Variants in TRIM46 observed in about 807,000 individuals in gnomAD.
The protein encoded by TRIM46 is tripartite motif containing 46, also known as tripartite motif-containing protein 46.
A neutral mutation model predicts 69.7 loss-of-function variants in TRIM46; 17 were observed. That is an observed-to-expected ratio of 0.24 (90% CI 0.17 to 0.37). TRIM46 has a LOEUF of 0.37. TRIM46 is among the 10% of genes least tolerant of loss of function. The probability of loss-of-function intolerance (pLI) is 1.00; values close to 1 mark genes in which losing one functional copy is unlikely to be tolerated. For synonymous variants in TRIM46, 391 were observed against 429.0 expected, an observed-to-expected ratio of 0.91 and a Z score of 1.09; for missense variants, 675 against 1,025.1, an observed-to-expected ratio of 0.66 and a Z score of 4.66.
intron 5 of TRIM46, among the ~76,000 whole-genome samples, chr1:155,177,762 A>G (rs375697839): frequency 5.9e-5 from 9 of 152,192 alleles, no homozygotes; most frequent in African/African-American, 1.9e-4. Flanking sequence ...ATGAGTCACT[A>G]AGGGGCAGAG....
rs535573161 is a variant in TRIM46 at position 155,182,052 on chromosome 1, G to A, written c.1789G>A (p.Ala597Thr). The change falls in exon 9 of 10, where the codon GCC becomes ACC. Residue 597 changes from alanine (A) to threonine (T), a missense_variant. Transcript: ENST00000334634. ...VTQGRSYWAC[A>T]VDPASYLVKV... ...CCAGGGCCGCAGCTACTGGGCCTGC[G>A]CCGTAGACCCAGCCTCCTACTTGGT... The A allele has an allele frequency of 8.5e-5, 137 of 1,613,988 alleles. No homozygotes were observed. The highest frequency in any genetic ancestry group is 4.9e-4 in the Middle Eastern group (3 of 6,062).
In TRIM46 at chr1:155,182,078, C is replaced by G; in HGVS notation, c.1815C>G (p.Val605=). ...ACAVDPASYL[V]KVGVGLESKL... is the part of the protein sequence containing the mutation. ...CCGTAGACCCAGCCTCCTACTTGGT[C>G]AAGGTGGGCGTCGGGCTGGAGAGCA... is the stretch of plus-strand genomic sequence containing the variant. Residue 605 remains valine, a synonymous_variant, in exon 9 of 10, where the codon GTC becomes GTG. Transcript: ENST00000334634. 6.2e-7 allele frequency: 1 copy of G among 1,614,176 alleles called. No homozygotes were observed. The highest frequency in any genetic ancestry group is 8.5e-7 in the Non-Finnish European group (1 of 1,180,028).
intron 5 of TRIM46, among the ~76,000 whole-genome samples, chr1:155,177,679 G>A (rs938551494): frequency 6.6e-6 from 1 of 152,212 alleles, no homozygotes; most frequent in Non-Finnish European, 1.5e-5. Context: ...ACTAAGGATG[G>A]CATAGATGCC....
Position 155,175,283 on chromosome 1 carries a change from T to A in TRIM46, c.64-103T>A. The A allele has an allele frequency of 6.4e-7, 1 of 1,564,930 alleles. No individual in the cohort carries two copies. Among genetic ancestry groups the A allele is most frequent in the Non-Finnish European group, 8.6e-7 (1 of 1,163,284 alleles). On this transcript the variant is annotated intron_variant, in intron 1 of 9. Transcript: ENST00000334634. This position sits in a 1 kb window ranked among gnomAD's most constrained non-coding sequence, Gnocchi z 4.2. Reference sequence around the variant, plus strand: ...CTGGAAAAGCTGCAGGTAGCTTGTCTTGCTCCTTCCTCAGACCCCTAGGGT... The same window carrying A: ...CTGGAAAAGCTGCAGGTAGCTTGTCATGCTCCTTCCTCAGACCCCTAGGGT...
chr1:155,174,700 AG>A (rs1279759084), intron 1 of TRIM46: 1 of 1,413,758 alleles, frequency 7.1e-7, no homozygotes, highest in Non-Finnish European at 9.2e-7. Flanking sequence ...CAAGAGGGGG[AG>A]GGGACTTCCG....
At chr1:155,180,047 A>C in intron 8 of TRIM46, 113 bp downstream of exon 8, 3 of 1,178,742 alleles carry the variant, frequency 2.5e-6, no homozygotes, top group Non-Finnish European at 3.5e-6. Flanking sequence ...AGTAGGTCTC[A>C]CACACACTAG....
intron 7 of TRIM46, 126 bp downstream of exon 7, chr1:155,178,739 T>TTTGGG: frequency 7.4e-7 from 1 of 1,348,472 alleles, no homozygotes; most frequent in Non-Finnish European, 1.0e-6. Flanking sequence ...CAGCCATTCC[T>TTTGGG]CCCACCCAGC....
chr1:155,174,360 AG>A, intron 1 of TRIM46: 1 of 306,040 alleles, frequency 3.3e-6, no homozygotes, highest in South Asian at 1.3e-4. Context: ...GGGACGTGTG[AG>A]CTTGGATATT....
chr1:155,179,531 C>A (rs1665974537), intron 7 of TRIM46, 101 bp from the exon 8 acceptor site: 3 of 1,060,780 alleles, frequency 2.8e-6, no homozygotes, highest in Admixed American at 2.5e-5. Flanking sequence ...CCCACACTCA[C>A]CCCCCCGGCT....
intron 7 of TRIM46, chr1:155,178,831 C>G: frequency 6.8e-7 from 1 of 1,462,720 alleles, no homozygotes; most frequent in Non-Finnish European, 9.1e-7. Context: ...GCGGACTCTG[C>G]TCCGGAGCAC....
chr1:155,179,475 C>A (rs556539810), intron 7 of TRIM46, among the ~76,000 whole-genome samples, 157 bp from the exon 8 acceptor site: 53 of 152,174 alleles, frequency 3.5e-4, no homozygotes, highest in Non-Finnish European at 6.8e-4. Context: ...TGCCCTACCC[C>A]TCCTGTGCCC....
intron 6 of TRIM46, 26 bp downstream of exon 6, chr1:155,178,281 G>C: frequency 6.3e-7 from 1 of 1,577,054 alleles, no homozygotes; most frequent in South Asian, 1.2e-5. Context: ...GGCTCCTAGG[G>C]GGGCAGGGAC....
chr1:155,181,812 T>G lies in TRIM46; in HGVS notation c.1589-40T>G, dbSNP rs1666193565. Reference sequence around the variant, plus strand: ...AGCCCCCAGTGCCAGTGTTTGTCCCTGAAGTTCTTGCTCCATCTCAACCCT... The same window carrying G: ...AGCCCCCAGTGCCAGTGTTTGTCCCGGAAGTTCTTGCTCCATCTCAACCCT... On this transcript the variant is annotated intron_variant, in intron 8 of 9. Transcript: ENST00000334634. This position sits in a 1 kb window ranked among gnomAD's most constrained non-coding sequence, Gnocchi z 4.3. 6.3e-7 allele frequency: 1 copy of G among 1,578,084 alleles called. No homozygotes were observed.
intron 7 of TRIM46, among the ~76,000 whole-genome samples, chr1:155,179,108 C>G (rs1665939497): frequency 6.6e-6 from 1 of 152,222 alleles, no homozygotes; most frequent in Non-Finnish European, 1.5e-5. Flanking sequence ...ACCTCCAACC[C>G]CTGCCCTCAG....
intron 8 of TRIM46, chr1:155,180,343 T>C: frequency 3.2e-6 from 1 of 308,506 alleles, no homozygotes; most frequent in Non-Finnish European, 5.9e-6. Context: ...ATGCCTGTAA[T>C]CCCAGCACTT....
chr1:155,180,187 C>T (rs552939420), intron 8 of TRIM46, among the ~76,000 whole-genome samples: 56 of 152,332 alleles, frequency 3.7e-4, no homozygotes, highest in African/African-American at 1.3e-3. Context: ...ATAATACTGG[C>T]CAGGTGCAGC....
At position 155,181,008 on chromosome 1, in the gene TRIM46, A is replaced by G. The variant is rs929016787; in HGVS notation, c.1589-844A>G. On this transcript the variant is annotated intron_variant, in intron 8 of 9. Transcript: ENST00000334634. The surrounding 1 kb of genome is among the most constrained non-coding windows in gnomAD (Gnocchi z 4.3). ...CCAGCACTTTGGGAGGCCGAGGTGG[A>G]TGGATCACGAGGTCAGGCGTTCAAG... is the stretch of plus-strand genomic sequence containing the variant. Among the ~76,000 whole-genome samples the G allele has an allele frequency of 1.3e-5, 2 of 152,072 alleles. No individual in the cohort carries two copies. Among genetic ancestry groups the G allele is most frequent in the African/African-American group, 4.8e-5 (2 of 41,402 alleles).
At position 155,184,100 on chromosome 1, in the gene TRIM46, C is replaced by A. The variant is rs1666375399; in HGVS notation, c.2190C>A (p.Phe730Leu). 1 of 1,614,076 alleles carries A rather than the reference C, an allele frequency of 6.2e-7. No individual in the cohort carries two copies. The highest frequency in any genetic ancestry group is 8.5e-7 in the Non-Finnish European group (1 of 1,180,038). ...CSGPVCPAFCFIGGGAVQLQE... is the reference protein window; with the variant it reads ...CSGPVCPAFCLIGGGAVQLQE... ...GGCCTGTGTGCCCTGCCTTTTGCTTCATCGGGGGTGGCGCAGTACAGCTCC... is the reference window on the plus strand; with the variant it reads ...GGCCTGTGTGCCCTGCCTTTTGCTTAATCGGGGGTGGCGCAGTACAGCTCC... The change falls in exon 10 of 10, where the codon TTC becomes TTA. Residue 730 changes from phenylalanine (F) to leucine (L), a missense_variant. Coordinates refer to ENST00000334634, the MANE Select transcript of TRIM46 (RefSeq NM_025058.5). This position sits in a 1 kb window ranked among gnomAD's most constrained non-coding sequence, Gnocchi z 5.6.
rs111910059 is a variant in TRIM46, at chr1:155,180,601, A to AAAAT, written c.1588+691_1588+694dup. The AAAAT allele has an allele frequency of 2.0e-3, 407 of 199,270 alleles. 1 individual carries two copies. Among genetic ancestry groups the AAAAT allele is most frequent in the African/African-American group, 7.5e-3 (314 of 41,814 alleles). 12.3% of individuals were successfully genotyped at this position (199,270 alleles called of 1,614,324 possible). A position where few individuals can be genotyped will look rare whatever the true frequency, so the allele number is the denominator to read the frequency against. On this transcript the variant is annotated intron_variant, in intron 8 of 9. Transcript: ENST00000334634. Reference sequence around the variant, plus strand: ...CAGAGCAAGACTCCGACGTCTCGGAAAAATAAATAAATAAATAAATAAATA... The same window carrying AAAAT: ...CAGAGCAAGACTCCGACGTCTCGGAAAAATAAATAAATAAATAAATAAATAAATA...
Sources: gnomAD v4.1 joint callset for allele counts (sites outside exome capture counted in the v4.1 genomes callset) on GRCh38, gnomAD v4.1.1 for gene constraint, Gnocchi (gnomAD v3.1) non-coding constraint, MANE v1.5 for transcripts, NCBI Gene and HGNC (gene_info 2026-07-23, HGNC 2026-07-21) for gene names.